The following DHRSX variants were observed in gnomAD, a reference collection of about 807,000 sequenced individuals.
DHRSX encodes polyprenol dehydrogenase.
Under a neutral mutation model 34.0 loss-of-function variants are expected in DHRSX, and 31 were observed. The observed-to-expected ratio is 0.91, with a 90% CI of 0.69 to 1.23. DHRSX has a LOEUF of 1.23. DHRSX is among the 50% of genes most tolerant of loss of function. The probability of loss-of-function intolerance (pLI) is 0.00; values close to 1 mark genes in which losing one functional copy is unlikely to be tolerated. For synonymous variants in DHRSX, 201 were observed against 183.8 expected (o/e 1.09, Z -0.76); for missense variants, 414 against 428.1 (o/e 0.97, Z 0.29).
At chrX:2,423,517 A>G (rs996477121) in intron 2 of DHRSX, among the ~76,000 whole-genome samples, 1 of 152,166 alleles carries the variant, frequency 6.6e-6, no homozygotes, top group African/African-American at 2.4e-5. Flanking sequence ...GCTGGAGCCC[A>G]GGAGTTTGAG....
chrX:2,251,299 T>A (rs936269783), intron 5 of DHRSX, among the ~76,000 whole-genome samples: 5 of 152,202 alleles, frequency 3.3e-5, no homozygotes, highest in African/African-American at 9.6e-5. Context: ...GATAAAGAAA[T>A]CAATGTACTT....
At chrX:2,361,927 G>C (rs1275219605) in intron 3 of DHRSX, among the ~76,000 whole-genome samples, 1 of 152,158 alleles carries the variant, frequency 6.6e-6, no homozygotes. Context: ...CTGCGTTTCT[G>C]TGGATTCAGT....
At chrX:2,418,018 C>G (rs1201779785) in intron 2 of DHRSX, among the ~76,000 whole-genome samples, 1 of 151,920 alleles carries the variant, frequency 6.6e-6, no homozygotes, top group South Asian at 2.1e-4. Flanking sequence ...TGACCTAACT[C>G]AACTACATTT....
At chrX:2,362,176 C>T (rs1252849254) in intron 3 of DHRSX, among the ~76,000 whole-genome samples, 7 of 152,158 alleles carry the variant, frequency 4.6e-5, no homozygotes, top group Non-Finnish European at 1.0e-4. Flanking sequence ...TTTTCCTTGT[C>T]CACAGCCATT....
intron 6 of DHRSX, among the ~76,000 whole-genome samples, chrX:2,228,563 G>A (rs747633236): frequency 4.9e-4 from 74 of 151,086 alleles, no homozygotes; most frequent in African/African-American, 1.8e-3. Flanking sequence ...GAGGAAGGAA[G>A]GGAGGGAGGA....
chrX:2,242,375 A>G (rs2016161015), intron 6 of DHRSX, among the ~76,000 whole-genome samples: 1 of 151,974 alleles, frequency 6.6e-6, no homozygotes, highest in Non-Finnish European at 1.5e-5. Flanking sequence ...ATGTACAAAT[A>G]CATCACGGAA....
At chrX:2,383,147 C>A (rs1468266917) in intron 3 of DHRSX, among the ~76,000 whole-genome samples, 1 of 149,660 alleles carries the variant, frequency 6.7e-6, no homozygotes, top group East Asian at 2.0e-4. Context: ...CCATCATGAC[C>A]ATCATCATCA....
chrX:2,368,598 C>T (rs150835564), intron 3 of DHRSX, among the ~76,000 whole-genome samples: 2,040 of 152,218 alleles, frequency 0.013, 50 homozygotes, highest in African/African-American at 0.046. Context: ...GCCTGTAATC[C>T]CAGCAGTTTG....
At chrX:2,268,127 T>C (rs2041499667) in intron 4 of DHRSX, among the ~76,000 whole-genome samples, 1 of 152,076 alleles carries the variant, frequency 6.6e-6, no homozygotes, top group African/African-American at 2.4e-5. Context: ...TCACCGCAGG[T>C]TCTGTGCTTG....
At chrX:2,476,229 A>AAC (rs1004169803) in intron 1 of DHRSX, among the ~76,000 whole-genome samples, 8 of 149,654 alleles carry the variant, frequency 5.3e-5, no homozygotes, top group African/African-American at 2.0e-4. Flanking sequence ...CTCTACTAAA[A>AAC]ACACACACAC....
chrX:2,403,227 G>A (rs955037726), intron 3 of DHRSX, among the ~76,000 whole-genome samples: 4 of 152,010 alleles, frequency 2.6e-5, no homozygotes, highest in African/African-American at 9.7e-5. Flanking sequence ...GTTGACTGTA[G>A]TCACCCTTTT....
intron 3 of DHRSX, among the ~76,000 whole-genome samples, chrX:2,318,275 AG>A (rs1378826138): frequency 1.0e-4 from 15 of 148,612 alleles, no homozygotes; most frequent in Non-Finnish European, 1.9e-4. Context: ...CTGAGGTGGG[AG>A]GATCACTTGA....
chrX:2,354,438 G>T (rs995282629), intron 3 of DHRSX, among the ~76,000 whole-genome samples: 3 of 152,106 alleles, frequency 2.0e-5, no homozygotes, highest in African/African-American at 7.2e-5. Flanking sequence ...ACTACCCACA[G>T]CCTCCACTCC....
At chrX:2,338,089 T>C (rs1425844953) in intron 3 of DHRSX, 2 of 150,878 alleles carry the variant, frequency 1.3e-5, no homozygotes, top group African/African-American at 2.4e-5. Flanking sequence ...TCCCAACATT[T>C]TGGGAGGCCG....
intron 4 of DHRSX, among the ~76,000 whole-genome samples, chrX:2,271,539 C>A (rs1029153880): frequency 4.6e-5 from 7 of 152,194 alleles, no homozygotes; most frequent in African/African-American, 1.7e-4. Context: ...AAAAAAACTT[C>A]CAGGATACAG....
chrX:2,362,542 G>A (rs1348770286), intron 3 of DHRSX, among the ~76,000 whole-genome samples: 6 of 152,110 alleles, frequency 3.9e-5, no homozygotes, highest in Non-Finnish European at 8.8e-5. Context: ...CTCGTGATCC[G>A]CCCACCACAG....
intron 6 of DHRSX, among the ~76,000 whole-genome samples, chrX:2,242,782 C>G (rs934502607): frequency 3.3e-5 from 5 of 152,024 alleles, no homozygotes; most frequent in Non-Finnish European, 5.9e-5. Flanking sequence ...TTTAGCATAT[C>G]ATCAAGAAAT....
chrX:2,489,271 G>C (rs757340445), intron 1 of DHRSX: 2 of 1,613,974 alleles, frequency 1.2e-6, no homozygotes, highest in Non-Finnish European at 1.7e-6. Context: ...CGGAGAGGAA[G>C]GGCAGCCTCT....
rs1207702946 is a variant in DHRSX at position 2,303,865 on chromosome X, ATGGG to A, written c.287-12266_287-12263del. Among the ~76,000 whole-genome samples the A allele has an allele frequency of 5.8e-4, 71 of 121,466 alleles. 1 individual carries two copies. In the East Asian group the frequency reaches 5.9e-3, roughly 10 times the overall value. 79.7% of individuals were successfully genotyped at this position (121,466 alleles called of 152,430 possible). A position where few individuals can be genotyped will look rare whatever the true frequency, so the allele number is the denominator to read the frequency against. On this transcript the variant is annotated intron_variant, in intron 3 of 6. Coordinates refer to ENST00000334651, the MANE Select transcript of DHRSX (RefSeq NM_145177.3). ...GATGGATGGATGGGTGGATGGGTGGATGGGTGGATGGGTGGATGGATGGATGGAT... is the reference window on the plus strand; with the variant it reads ...GATGGATGGATGGGTGGATGGGTGGATGGATGGGTGGATGGATGGATGGAT...
Sources: gnomAD v4.1 joint callset for allele counts (sites outside exome capture counted in the v4.1 genomes callset) on GRCh38, gnomAD v4.1.1 for gene constraint, MANE v1.5 for transcripts, NCBI Gene and HGNC (gene_info 2026-07-23, HGNC 2026-07-21) for gene names.